Variants in NTNG1 observed in about 807,000 individuals in gnomAD.
NTNG1 encodes the protein netrin-G1.
In NTNG1, 16 loss-of-function variants were observed where a neutral mutation model predicts 54.0. The observed-to-expected ratio is 0.30, with a 90% CI of 0.20 to 0.45. The LOEUF (loss-of-function observed/expected upper bound fraction) is 0.45, where lower values mean the gene tolerates loss of function less well. Ranked by LOEUF, NTNG1 falls within the 20% of genes least tolerant of loss-of-function variation. NTNG1 has a pLI of 1.00. For missense variants in NTNG1, 530 were observed against 678.7 expected (o/e 0.78, Z 2.43); for synonymous variants, 255 against 263.1 (o/e 0.97, Z 0.30).
chr1:107,230,532 A>G (rs543208610), intron 2 of NTNG1, among the ~76,000 whole-genome samples: 18 of 152,338 alleles, frequency 1.2e-4, no homozygotes, highest in South Asian at 8.3e-4. Flanking sequence ...GACTGAGTCA[A>G]TAGAATAGGA....
intron 3 of NTNG1, among the ~76,000 whole-genome samples, chr1:107,340,288 C>A (rs928618107): frequency 6.6e-6 from 1 of 152,000 alleles, no homozygotes; most frequent in Non-Finnish European, 1.5e-5. Flanking sequence ...ATAGGCATAA[C>A]CAGTGGAGGT....
At chr1:107,354,542 A>G (rs1034189983) in intron 3 of NTNG1, among the ~76,000 whole-genome samples, 3 of 151,872 alleles carry the variant, frequency 2.0e-5, no homozygotes, top group African/African-American at 7.2e-5. Flanking sequence ...ATTAAACACC[A>G]GTCAGTATGG....
At chr1:107,395,997 C>T (rs1054314466) in intron 4 of NTNG1, among the ~76,000 whole-genome samples, 1 of 152,174 alleles carries the variant, frequency 6.6e-6, no homozygotes, top group Admixed American at 6.5e-5. Context: ...CATCTGTGTG[C>T]CCCCACTGAA....
intron 2 of NTNG1, among the ~76,000 whole-genome samples, chr1:107,196,636 A>AC (rs1658354038): frequency 6.6e-6 from 1 of 151,968 alleles, no homozygotes; most frequent in Non-Finnish European, 1.5e-5. Flanking sequence ...ACAGTAAATG[A>AC]TGACAACATA....
chr1:107,266,847 A>G (rs966641143), intron 2 of NTNG1, among the ~76,000 whole-genome samples: 4 of 151,734 alleles, frequency 2.6e-5, no homozygotes, highest in African/African-American at 7.3e-5. Flanking sequence ...GTCTCTCTCC[A>G]CTCCCTGAAC....
chr1:107,404,411 T>C (rs1370069945), intron 4 of NTNG1, among the ~76,000 whole-genome samples: 2 of 152,168 alleles, frequency 1.3e-5, no homozygotes, highest in Non-Finnish European at 2.9e-5. Flanking sequence ...GAATGTTGCA[T>C]GTGTTCAAAG....
intron 5 of NTNG1, among the ~76,000 whole-genome samples, chr1:107,412,205 G>A (rs548277049): frequency 6.2e-4 from 94 of 152,034 alleles, no homozygotes; most frequent in African/African-American, 2.2e-3. Flanking sequence ...TCTCCAAAAG[G>A]TTTCATTTGA....
chr1:107,215,093 T>A (rs1247400315), intron 2 of NTNG1, among the ~76,000 whole-genome samples: 1 of 152,206 alleles, frequency 6.6e-6, no homozygotes, highest in Non-Finnish European at 1.5e-5. Flanking sequence ...CTGTTTACTC[T>A]GATGATTATT....
chr1:107,386,177 T>TTTTTCTTCCTTTGAAA (rs1671985399), intron 3 of NTNG1, among the ~76,000 whole-genome samples: 1 of 136,386 alleles, frequency 7.3e-6, no homozygotes, highest in Non-Finnish European at 1.6e-5. Flanking sequence ...TTTTTTTTTT[T>TTTTTCTTCCTTTGAAA]TCTTCCTTTG....
intron 2 of NTNG1, among the ~76,000 whole-genome samples, chr1:107,174,938 A>G (rs1478429611): frequency 6.6e-6 from 1 of 152,110 alleles, no homozygotes; most frequent in Non-Finnish European, 1.5e-5. Context: ...GAATTTTTAA[A>G]TGCTGACTTA....
chr1:107,246,208 C>T (rs916761713), intron 2 of NTNG1, among the ~76,000 whole-genome samples: 15 of 152,188 alleles, frequency 9.9e-5, no homozygotes, highest in South Asian at 8.3e-4. Flanking sequence ...CCTGCCACCA[C>T]GCCTGGCTAA....
chr1:107,186,022 C>A (rs562234669), intron 2 of NTNG1, among the ~76,000 whole-genome samples: 1 of 152,122 alleles, frequency 6.6e-6, no homozygotes, highest in African/African-American at 2.4e-5. Context: ...CTCGCCCTCA[C>A]GCCCACCCTC....
At chr1:107,300,925 G>A (rs1666276924) in intron 2 of NTNG1, among the ~76,000 whole-genome samples, 1 of 152,096 alleles carries the variant, frequency 6.6e-6, no homozygotes. Flanking sequence ...AAGGGCTGTG[G>A]AGAAAAGAGA....
intron 2 of NTNG1, among the ~76,000 whole-genome samples, chr1:107,276,979 G>A (rs1402285704): frequency 6.6e-6 from 1 of 152,124 alleles, no homozygotes; most frequent in East Asian, 1.9e-4. Flanking sequence ...GAGGAAAAAA[G>A]AAGAGGAAGC....
intron 5 of NTNG1, among the ~76,000 whole-genome samples, chr1:107,421,561 A>G (rs1056890500): frequency 1.3e-5 from 2 of 152,118 alleles, no homozygotes; most frequent in Non-Finnish European, 2.9e-5. Flanking sequence ...GTGACAAATG[A>G]AACACCTTGG....
rs901273833 is a variant in NTNG1, at chr1:107,437,522, C to T, written c.1390+723C>T. ...TATAACCTTTTCTGCTTTTGAATTC[C>T]GAACTAACTTTCCATTTCATCTATA... On this transcript the variant is annotated intron_variant, in intron 7 of 7. Coordinates refer to ENST00000370068, the MANE Select transcript of NTNG1 (RefSeq NM_001113226.3). Among the ~76,000 whole-genome samples, 32 of 152,174 alleles carry T rather than the reference C, an allele frequency of 2.1e-4. No homozygotes were observed. The Middle Eastern group carries it at 0.014, about 65-fold the overall frequency.
chr1:107,327,765 A>G (rs1420629641), intron 3 of NTNG1, among the ~76,000 whole-genome samples: 1 of 152,178 alleles, frequency 6.6e-6, no homozygotes, highest in Non-Finnish European at 1.5e-5. Flanking sequence ...AATGGAGACC[A>G]GATGTAAACA....
At chr1:107,379,655 G>A (rs1671519109) in intron 3 of NTNG1, among the ~76,000 whole-genome samples, 1 of 152,092 alleles carries the variant, frequency 6.6e-6, no homozygotes, top group South Asian at 2.1e-4. Flanking sequence ...AATAATGAAG[G>A]TGGTAATAAT....
At chr1:107,319,114 A>G (rs891946035) in intron 2 of NTNG1, among the ~76,000 whole-genome samples, 8 of 152,152 alleles carry the variant, frequency 5.3e-5, no homozygotes, top group African/African-American at 1.9e-4. Context: ...TAACTAAGCT[A>G]TAAGACCTGA....
Sources: gnomAD v4.1 joint callset for allele counts (sites outside exome capture counted in the v4.1 genomes callset) on GRCh38, gnomAD v4.1.1 for gene constraint, MANE v1.5 for transcripts, NCBI Gene and HGNC (gene_info 2026-07-23, HGNC 2026-07-21) for gene names.